Variants in CNTN4 observed in about 807,000 individuals in gnomAD.
The protein encoded by CNTN4 is contactin-4.
In CNTN4, 77 loss-of-function variants were observed where a neutral mutation model predicts 122.5. The observed-to-expected ratio is 0.63, with a 90% confidence interval of 0.52 to 0.76. CNTN4 has a LOEUF of 0.76. Among genes scored for constraint, CNTN4 ranks in the 30% least tolerant of loss-of-function variants. CNTN4 has a pLI of 0.00. For missense variants in CNTN4, 1,256 were observed against 1,259.1 expected (o/e 1.00, Z 0.04); for synonymous variants, 512 against 447.0 (o/e 1.15, Z -1.83).
chr3:2,333,184 G>A (rs1213998608), intron 2 of CNTN4, among the ~76,000 whole-genome samples: 1 of 152,146 alleles, frequency 6.6e-6, no homozygotes, highest in African/African-American at 2.4e-5. Context: ...TCCCCTCCCT[G>A]TCTTAGATTC....
At chr3:2,428,675 C>T (rs879608459) in intron 3 of CNTN4, among the ~76,000 whole-genome samples, 5 of 152,196 alleles carry the variant, frequency 3.3e-5, no homozygotes, top group South Asian at 2.1e-4. Flanking sequence ...GGTTTTCCAA[C>T]TTGGTTCCAT....
chr3:2,482,433 A>G (rs2076031872), intron 3 of CNTN4, among the ~76,000 whole-genome samples: 1 of 151,052 alleles, frequency 6.6e-6, no homozygotes, highest in Non-Finnish European at 1.5e-5. Flanking sequence ...ATGTGATAGA[A>G]AAAAAAAAAC....
At position 2,499,760 on chromosome 3, in the gene CNTN4, T is replaced by A. The variant is rs145232341; in HGVS notation, c.-88-71656T>A. On this transcript the variant is annotated intron_variant, in intron 3 of 24. Coordinates refer to ENST00000418658, the MANE Select transcript of CNTN4 (RefSeq NM_175607.3). The stretch of plus-strand genomic sequence containing the variant: ...AAATTTTAAAGTAAGTTTTAAAATG[T>A]CTACTAAAACCTTACAGGGAGTTTG... Among the ~76,000 whole-genome samples, 648 of 152,282 alleles carry A rather than the reference T, an allele frequency of 4.3e-3. 6 individuals are homozygous for A. The highest frequency in any genetic ancestry group is 0.017 in the Middle Eastern group (5 of 294).
At chr3:2,522,065 T>C (rs7624709) in intron 3 of CNTN4, among the ~76,000 whole-genome samples, 115,978 of 151,780 alleles carry the variant, frequency 0.76, 44,393 homozygotes, top group East Asian at 0.87. Context: ...ACAGAGCACT[T>C]AGGGGTTTAT....
intron 3 of CNTN4, among the ~76,000 whole-genome samples, chr3:2,483,223 T>C (rs2151601507): frequency 6.6e-6 from 1 of 152,352 alleles, no homozygotes; most frequent in African/African-American, 2.4e-5. Context: ...TAAGGTTTAC[T>C]GACTGTCCTA....
rs576010389 is a variant in CNTN4, at chr3:2,183,084, T to G, written c.-145+82445T>G. On this transcript the variant is annotated intron_variant, in intron 2 of 24. Coordinates refer to ENST00000418658, the MANE Select transcript of CNTN4 (RefSeq NM_175607.3). ...ATAACTAACATTATACATTCAGTCT[T>G]TTAGGAAATCCTTGGATCTATTTTC... is the stretch of plus-strand genomic sequence containing the variant. Among the ~76,000 whole-genome samples the G allele has an allele frequency of 3.8e-4, 58 of 152,292 alleles. No individual in the cohort carries two copies. The South Asian group carries it at 3.9e-3, about 10-fold the overall frequency.
At chr3:2,414,669 A>C (rs2047349354) in intron 3 of CNTN4, among the ~76,000 whole-genome samples, 1 of 152,170 alleles carries the variant, frequency 6.6e-6, no homozygotes, top group African/African-American at 2.4e-5. Flanking sequence ...AAAATTTTCA[A>C]AGCTACTTTT....
chr3:2,702,466 A>G (rs2086409991), intron 4 of CNTN4, among the ~76,000 whole-genome samples: 1 of 152,234 alleles, frequency 6.6e-6, no homozygotes, highest in South Asian at 2.1e-4. Flanking sequence ...TGCTCAGCCA[A>G]AGTTGGTGAG....
chr3:2,391,159 C>A (rs560488884), intron 3 of CNTN4, among the ~76,000 whole-genome samples: 7 of 152,270 alleles, frequency 4.6e-5, no homozygotes, highest in Admixed American at 2.0e-4. Context: ...ATCCGAGAAG[C>A]ACCTTTGTTT....
intron 8 of CNTN4, among the ~76,000 whole-genome samples, chr3:2,872,214 A>G (rs1382578073): frequency 1.3e-5 from 2 of 152,174 alleles, no homozygotes; most frequent in African/African-American, 4.8e-5. Context: ...GTAGCCTTCG[A>G]TGATAATCAT....
chr3:2,391,676 G>A (rs1307966714), intron 3 of CNTN4, among the ~76,000 whole-genome samples: 3 of 152,138 alleles, frequency 2.0e-5, no homozygotes, highest in African/African-American at 7.2e-5. Flanking sequence ...AATTTAGATT[G>A]AGAAAAAGAA....
chr3:2,786,524 AG>A (rs780687427), intron 6 of CNTN4, among the ~76,000 whole-genome samples: 6 of 152,212 alleles, frequency 3.9e-5, no homozygotes, highest in Non-Finnish European at 8.8e-5. Flanking sequence ...AGTCCTGTGA[AG>A]GGATCAAGGG....
intron 3 of CNTN4, among the ~76,000 whole-genome samples, chr3:2,402,723 A>G (rs182692633): frequency 6.6e-6 from 1 of 152,186 alleles, no homozygotes; most frequent in East Asian, 1.9e-4. Context: ...TAAGCCTCTC[A>G]ATGTGTCTTA....
chr3:2,666,972 T>G (rs2084206940), intron 4 of CNTN4, among the ~76,000 whole-genome samples: 1 of 152,128 alleles, frequency 6.6e-6, no homozygotes, highest in Non-Finnish European at 1.5e-5. Context: ...TGCCACATTT[T>G]CTTAATCCAC....
In CNTN4 at chr3:2,385,810, C is replaced by T. The variant is rs67492486; in HGVS notation, c.-89+46577C>T. Among the ~76,000 whole-genome samples, 24,439 of 151,996 alleles carry T rather than the reference C, an allele frequency of 0.16. 2,104 individuals carry two copies. The highest frequency in any genetic ancestry group is 0.21 in the Middle Eastern group (63 of 294). ...CTTGGTTACATTTGCAAAGACCCTG[C>T]TTCCAAATAAGGTCACATTCACACG... On this transcript the variant is annotated intron_variant, in intron 3 of 24. Transcript: ENST00000418658. The surrounding 1 kb of genome is among the most constrained non-coding windows in gnomAD (Gnocchi z 4.0).
intron 6 of CNTN4, among the ~76,000 whole-genome samples, chr3:2,781,942 C>A (rs1033122577): frequency 6.8e-6 from 1 of 148,088 alleles, no homozygotes; most frequent in African/African-American, 2.5e-5. Flanking sequence ...CCAGGATGGT[C>A]TCGATCTCCT....
intron 4 of CNTN4, among the ~76,000 whole-genome samples, chr3:2,611,645 A>G (rs1024230402): frequency 6.6e-6 from 1 of 152,248 alleles, no homozygotes; most frequent in South Asian, 2.1e-4. Flanking sequence ...ACTATTGCCA[A>G]TACCCAATGC....
chr3:2,128,011 C>G (rs1043778910), intron 2 of CNTN4, among the ~76,000 whole-genome samples: 5 of 152,168 alleles, frequency 3.3e-5, no homozygotes, highest in Admixed American at 1.3e-4. Flanking sequence ...TTTCCACACC[C>G]TAATTTATGT....
chr3:2,459,009 C>A (rs1022357919), intron 3 of CNTN4, among the ~76,000 whole-genome samples: 1 of 152,148 alleles, frequency 6.6e-6, no homozygotes, highest in African/African-American at 2.4e-5. Context: ...AGCATTCTTT[C>A]TCAGCTGAAG....
Sources: allele counts gnomAD v4.1 joint callset (sites outside exome capture counted in the v4.1 genomes callset), GRCh38; gene constraint gnomAD v4.1.1; non-coding constraint Gnocchi (gnomAD v3.1); transcripts MANE v1.5; gene names NCBI Gene and HGNC (gene_info 2026-07-23, HGNC 2026-07-21).